The following UBR1 variants were observed in gnomAD, a reference collection of about 807,000 sequenced individuals.
The protein encoded by UBR1 is E3 ubiquitin-protein ligase UBR1.
UBR1 carries 102 observed loss-of-function variants against 242.1 expected under a neutral mutation model. The observed-to-expected ratio is 0.42, with a 90% CI of 0.36 to 0.50. The LOEUF is 0.50. UBR1 is among the 20% of genes least tolerant of loss of function. The pLI, the probability that UBR1 is intolerant of heterozygous loss-of-function variation, is 0.01. For missense variants in UBR1, 1,772 were observed against 2,101.8 expected (o/e 0.84, Z 3.07); for synonymous variants, 675 against 684.8 (o/e 0.99, Z 0.22).
chr15:42,988,630 G>A (rs1311398193), intron 35 of UBR1, 189 bp downstream of exon 35: 3 of 751,094 alleles, frequency 4.0e-6, no homozygotes, highest in African/African-American at 3.5e-5. Context: ...CACAATCATA[G>A]TTAAAAAGAG....
At chr15:43,076,137 A>C (rs573654064) in intron 3 of UBR1, among the ~76,000 whole-genome samples, 2 of 134,936 alleles carry the variant, frequency 1.5e-5, no homozygotes, top group Admixed American at 8.4e-5. Flanking sequence ...GCCACGCCTG[A>C]CTGGTTTTCG....
At chr15:43,038,306 G>C in intron 15 of UBR1, 74 bp from the exon 16 acceptor site, 3 of 1,465,168 alleles carry the variant, frequency 2.0e-6, no homozygotes, top group Non-Finnish European at 2.9e-6. Context: ...ATCAAGTTTA[G>C]AAACTTGTGC....
chr15:43,013,888 G>T (rs753544695), intron 29 of UBR1, among the ~76,000 whole-genome samples: 2 of 131,766 alleles, frequency 1.5e-5, no homozygotes, highest in African/African-American at 2.9e-5. Context: ...CCCTCCCCAC[G>T]GTCTCCCTCT....
chr15:42,993,633 G>A lies in UBR1; in HGVS notation c.3758-3513C>T, dbSNP rs1386358191. 8.5e-5 allele frequency among the ~76,000 whole-genome samples: 13 copies of A among 152,196 alleles called. No individual in the cohort carries two copies. The East Asian group carries it at 2.3e-3, about 27-fold the overall frequency. On this transcript the variant is annotated intron_variant, in intron 33 of 46. Transcript: ENST00000290650. The stretch of plus-strand genomic sequence containing the variant: ...TCTGCCTGCCTCGGCCTCCCAAAGT[G>A]CTGCGATTACAAGCGTGAGCCACTG...
intron 46 of UBR1, among the ~76,000 whole-genome samples, chr15:42,949,993 C>T (rs1320075356): frequency 1.3e-5 from 2 of 151,274 alleles, no homozygotes. Context: ...CATGCACCAC[C>T]ATGCCCAGCT....
chr15:42,985,688 T>C (rs559911928), intron 35 of UBR1, among the ~76,000 whole-genome samples: 8 of 151,616 alleles, frequency 5.3e-5, no homozygotes, highest in Admixed American at 2.0e-4. Flanking sequence ...AAAAGATCAA[T>C]AGGAAAAAAA....
At chr15:42,976,396 C>T (rs1363888015) in intron 39 of UBR1, among the ~76,000 whole-genome samples, 2 of 152,072 alleles carry the variant, frequency 1.3e-5, no homozygotes, top group Non-Finnish European at 2.9e-5. Context: ...TAGGGACCTC[C>T]TTATCAAAAG....
At chr15:43,087,814 A>G (rs1489597689) in intron 1 of UBR1, among the ~76,000 whole-genome samples, 2 of 152,162 alleles carry the variant, frequency 1.3e-5, no homozygotes, top group Non-Finnish European at 2.9e-5. Flanking sequence ...CCAAAACAAG[A>G]GCTGAATAAA....
intron 4 of UBR1, among the ~76,000 whole-genome samples, chr15:43,074,670 T>C (rs755156060): frequency 2.8e-4 from 43 of 152,130 alleles, no homozygotes; most frequent in Admixed American, 8.5e-4. Flanking sequence ...CCTCAGGTGA[T>C]TGAGCCTCCC....
At chr15:42,985,504 CACT>C (rs981786614) in intron 35 of UBR1, among the ~76,000 whole-genome samples, 2 of 152,036 alleles carry the variant, frequency 1.3e-5, no homozygotes, top group African/African-American at 4.8e-5. Context: ...AGGCGTGCAC[CACT>C]ACGCCAGCTA....
chr15:43,105,863 G>T (rs1028556978), intron 1 of UBR1, 79 bp downstream of exon 1: 14 of 1,379,690 alleles, frequency 1.0e-5, no homozygotes, highest in Non-Finnish European at 1.4e-5. Context: ...CGCCATAAGG[G>T]GTGAAGCCCC....
intron 15 of UBR1, 73 bp from the exon 16 acceptor site, chr15:43,038,305 A>C: frequency 1.4e-6 from 2 of 1,472,918 alleles, no homozygotes; most frequent in Non-Finnish European, 1.9e-6. Context: ...CATCAAGTTT[A>C]GAAACTTGTG....
intron 29 of UBR1, among the ~76,000 whole-genome samples, chr15:43,010,818 C>CAAAAAAAAAAAAAAAAAA (rs768275252): frequency 5.3e-5 from 3 of 56,968 alleles, no homozygotes; most frequent in Admixed American, 2.1e-4. Context: ...ACTAAAAATA[C>CAAAAAAAAAAAAAAAAAA]AAAAAAAAAA....
In UBR1 at chr15:43,002,611, T is replaced by C. The variant is rs763362112; in HGVS notation, c.3603A>G (p.Lys1201=). 2.0e-5 allele frequency: 33 copies of C among 1,614,120 alleles called. No homozygotes were observed. The African/African-American group carries it at 3.6e-4, about 18-fold the overall frequency. The change falls in exon 32 of 47, where the codon AAA becomes AAG. Residue 1201 remains lysine, a synonymous_variant. Coordinates refer to ENST00000290650, the MANE Select transcript of UBR1 (RefSeq NM_174916.3). ...ESGEYLCPLC[K]SLCNTVIPII... The stretch of plus-strand genomic sequence containing the variant: ...TGGGGATCACAGTATTGCACAGAGA[T>C]TTGCAAAGAGGGCAAAGATATTCTC...
At chr15:43,096,244 G>A (rs1009018785) in intron 1 of UBR1, among the ~76,000 whole-genome samples, 5 of 151,686 alleles carry the variant, frequency 3.3e-5, no homozygotes, top group African/African-American at 1.2e-4. Context: ...CACGATCTGG[G>A]CTCACTGCAA....
At chr15:42,995,425 C>T (rs936224365) in intron 33 of UBR1, among the ~76,000 whole-genome samples, 4 of 150,108 alleles carry the variant, frequency 2.7e-5, no homozygotes, top group African/African-American at 7.4e-5. Context: ...TTTGGGAGGC[C>T]GAGGCGGGTG....
intron 1 of UBR1, among the ~76,000 whole-genome samples, chr15:43,091,643 T>G (rs929107620): frequency 6.6e-6 from 1 of 152,034 alleles, no homozygotes; most frequent in Non-Finnish European, 1.5e-5. Context: ...ATAATTGATA[T>G]TTTAAAACAT....
chr15:43,025,699 C>T, intron 23 of UBR1: 1 of 389,706 alleles, frequency 2.6e-6, no homozygotes. Flanking sequence ...GGGTACTATG[C>T]TATGGGCTGT....
Position 43,056,397 on chromosome 15 carries a change from T to A in UBR1, c.1228A>T (p.Arg410Ter), listed in dbSNP as rs371156658. The A allele has an allele frequency of 3.1e-6, 5 of 1,612,528 alleles. No individual in the cohort carries two copies. Among genetic ancestry groups the A allele is most frequent in the African/African-American group, 1.3e-5 (1 of 74,902 alleles). Residue 410 changes from arginine to a stop codon, truncating the protein, a stop_gained, in exon 11 of 47, where the codon AGA becomes TGA. Transcript: ENST00000290650. LOFTEE classifies it high-confidence loss of function. Reference protein sequence around the residue: ...QKEYISDDHDRSISITALSVQ... With the variant: ...QKEYISDDHD ...GAAAGTGCAGTTATAGAGATACTTC[T>A]GTCATGATCATCACTGATATATTCT...
Sources: allele counts gnomAD v4.1 joint callset (sites outside exome capture counted in the v4.1 genomes callset), GRCh38; gene constraint gnomAD v4.1.1; transcripts MANE v1.5; gene names NCBI Gene and HGNC (gene_info 2026-07-23, HGNC 2026-07-21).